The following CSMD1 variants were observed in gnomAD, a reference collection of about 807,000 sequenced individuals.
CSMD1 encodes the protein CUB and sushi domain-containing protein 1.
CSMD1 carries 213 observed loss-of-function variants against 417.5 expected under a neutral mutation model. The ratio of observed to expected loss-of-function variants is 0.51; its 90% CI spans 0.46 to 0.57. The LOEUF (loss-of-function observed/expected upper bound fraction) is 0.57. Ranked by LOEUF, CSMD1 falls within the 20% of genes least tolerant of loss-of-function variation. The pLI, the probability that CSMD1 is intolerant of heterozygous loss-of-function variation, is 0.00. For missense variants in CSMD1, 6,923 were observed against 4,529.7 expected (o/e 1.53, Z -15.17); for synonymous variants, 2,862 against 1,736.8 (o/e 1.65, Z -16.11).
rs552347935 is a variant in CSMD1 at position 3,300,297 on chromosome 8, C to T, written c.3950+7398G>A. Among the ~76,000 whole-genome samples the T allele has an allele frequency of 3.2e-4, 48 of 151,958 alleles. No individual in the cohort carries two copies. The Middle Eastern group carries it at 0.01, about 32-fold the overall frequency. On this transcript the variant is annotated intron_variant, in intron 25 of 69. Coordinates refer to ENST00000635120, the MANE Select transcript of CSMD1 (RefSeq NM_033225.6). Reference sequence around the variant, plus strand: ...TTTGCATAGAAAAAATTTTAAAAAGCTATATCACCTTTTCAAGTGTAGTTT... The same window carrying T: ...TTTGCATAGAAAAAATTTTAAAAAGTTATATCACCTTTTCAAGTGTAGTTT...
intron 3 of CSMD1, among the ~76,000 whole-genome samples, chr8:4,181,628 C>T (rs564899868): frequency 6.6e-6 from 1 of 152,146 alleles, no homozygotes; most frequent in Admixed American, 6.6e-5. Context: ...TTTATATTTA[C>T]ATTCCATTGC....
At chr8:3,994,249 TTG>T (rs1398837945) in intron 5 of CSMD1, among the ~76,000 whole-genome samples, 2 of 103,110 alleles carry the variant, frequency 1.9e-5, no homozygotes, top group African/African-American at 5.4e-5. Context: ...CCTGTTTCTT[TTG>T]TTATATAAGT....
At chr8:4,596,225 T>TA (rs951958870) in intron 2 of CSMD1, among the ~76,000 whole-genome samples, 5 of 152,024 alleles carry the variant, frequency 3.3e-5, no homozygotes, top group South Asian at 2.1e-4. Flanking sequence ...CTTGATAGGT[T>TA]AAAAAAAATC....
At chr8:4,412,002 G>C (rs1796675278) in intron 3 of CSMD1, among the ~76,000 whole-genome samples, 1 of 151,800 alleles carries the variant, frequency 6.6e-6, no homozygotes, top group Non-Finnish European at 1.5e-5. Flanking sequence ...GTGTGTGTGT[G>C]TGTGTGTGTG....
At chr8:3,727,417 G>A (rs1391215841) in intron 6 of CSMD1, among the ~76,000 whole-genome samples, 1 of 152,210 alleles carries the variant, frequency 6.6e-6, no homozygotes, top group South Asian at 2.1e-4. Flanking sequence ...CAGCTCAGAT[G>A]GGCTTTTCCT....
intron 1 of CSMD1, among the ~76,000 whole-genome samples, chr8:4,824,048 ATGCACACATACT>A (rs1448826327): frequency 6.6e-6 from 1 of 151,100 alleles, no homozygotes; most frequent in East Asian, 2.0e-4. Context: ...GCACCCACAC[ATGCACACATACT>A]TGCACATACA....
At chr8:3,322,524 C>G (rs141370694) in intron 23 of CSMD1, among the ~76,000 whole-genome samples, 11 of 152,312 alleles carry the variant, frequency 7.2e-5, no homozygotes, top group Admixed American at 5.9e-4. Context: ...GAGAGCTAAT[C>G]CATGCACATA....
At chr8:4,484,888 G>A (rs866291361) in intron 2 of CSMD1, among the ~76,000 whole-genome samples, 7 of 150,036 alleles carry the variant, frequency 4.7e-5, no homozygotes, top group African/African-American at 1.7e-4. Flanking sequence ...CGGGAGAATG[G>A]CGTGAACCCG....
chr8:3,164,805 C>A (rs988222879), intron 37 of CSMD1, among the ~76,000 whole-genome samples: 1 of 152,030 alleles, frequency 6.6e-6, no homozygotes, highest in Admixed American at 6.5e-5. Context: ...AAAAGTGAAA[C>A]ATTACAATTC....
At chr8:4,958,900 G>A (rs12674915) in intron 1 of CSMD1, among the ~76,000 whole-genome samples, 39,902 of 151,956 alleles carry the variant, frequency 0.26, 6,474 homozygotes, top group East Asian at 0.41. Flanking sequence ...TCAACAAAGA[G>A]GAAAGAATAT....
At chr8:3,732,879 C>G (rs943974349) in intron 6 of CSMD1, among the ~76,000 whole-genome samples, 3 of 152,078 alleles carry the variant, frequency 2.0e-5, no homozygotes, top group Admixed American at 6.6e-5. Context: ...ATCTATCTAT[C>G]TATCCATCCA....
At chr8:3,232,614 C>T (rs1798906763) in intron 26 of CSMD1, among the ~76,000 whole-genome samples, 1 of 152,130 alleles carries the variant, frequency 6.6e-6, no homozygotes, top group African/African-American at 2.4e-5. Context: ...TTTGGATTTT[C>T]ACTTCCAAAC....
chr8:3,884,978 T>C (rs1162739155), intron 5 of CSMD1, among the ~76,000 whole-genome samples: 3 of 149,748 alleles, frequency 2.0e-5, no homozygotes, highest in African/African-American at 2.4e-5. Flanking sequence ...GCATCATTCA[T>C]ATATATATAT....
chr8:4,054,727 T>C (rs981943475), intron 3 of CSMD1, among the ~76,000 whole-genome samples: 4 of 152,132 alleles, frequency 2.6e-5, no homozygotes, highest in Non-Finnish European at 2.9e-5. Flanking sequence ...AAATAAACAT[T>C]TGGACATTTT....
chr8:4,104,149 C>A (rs1253526551), intron 3 of CSMD1, among the ~76,000 whole-genome samples: 1 of 152,226 alleles, frequency 6.6e-6, no homozygotes, highest in Non-Finnish European at 1.5e-5. Context: ...TCGTCTGCAG[C>A]AGTTACTGTC....
intron 51 of CSMD1, among the ~76,000 whole-genome samples, chr8:3,027,968 T>C (rs2128975787): frequency 6.6e-6 from 1 of 152,262 alleles, no homozygotes; most frequent in Middle Eastern, 3.4e-3. Context: ...TCGGGAACGC[T>C]GAGTTGTGAG....
intron 2 of CSMD1, among the ~76,000 whole-genome samples, chr8:4,623,113 A>C (rs1365548594): frequency 6.6e-6 from 1 of 152,178 alleles, no homozygotes; most frequent in Non-Finnish European, 1.5e-5. Context: ...AAGAACTCGA[A>C]TCTGGAATAT....
chr8:4,940,633 G>C (rs112707654), intron 1 of CSMD1, among the ~76,000 whole-genome samples: 2 of 152,120 alleles, frequency 1.3e-5, no homozygotes, highest in South Asian at 2.1e-4. Flanking sequence ...TTCTCACTTA[G>C]GCATTAGAGG....
intron 10 of CSMD1, among the ~76,000 whole-genome samples, chr8:3,505,047 G>A (rs1203879067): frequency 6.6e-6 from 1 of 152,020 alleles, no homozygotes; most frequent in Non-Finnish European, 1.5e-5. Flanking sequence ...GCATAAGATG[G>A]GAGAATAAGC....
Sources: gnomAD v4.1 joint callset for allele counts (sites outside exome capture counted in the v4.1 genomes callset) on GRCh38, gnomAD v4.1.1 for gene constraint, MANE v1.5 for transcripts, NCBI Gene and HGNC (gene_info 2026-07-23, HGNC 2026-07-21) for gene names.